Variants in CD1B observed in about 807,000 individuals in gnomAD.
The protein encoded by CD1B is CD1b molecule.
Under a neutral mutation model 39.8 loss-of-function variants are expected in CD1B, and 43 were observed. The observed-to-expected ratio is 1.08, with a 90% CI of 0.85 to 1.39. CD1B has a LOEUF of 1.39. Among genes scored for constraint, CD1B ranks in the 40% most tolerant of loss-of-function variants. The pLI, the probability that CD1B is intolerant of heterozygous loss-of-function variation, is 0.00. For missense variants in CD1B, 495 were observed against 403.8 expected, an observed-to-expected ratio of 1.23 and a Z score of -1.94; for synonymous variants, 192 against 152.5, an observed-to-expected ratio of 1.26 and a Z score of -1.91.
chr1:158,291,067 C>G, the CD1B span: 1 of 1,495,636 alleles, frequency 6.7e-7, no homozygotes, highest in Non-Finnish European at 9.0e-7. Flanking sequence ...CTTCCATTTT[C>G]TCTCCATTTT....
the CD1B span, chr1:158,292,208 ATCTCC>A: frequency 6.2e-7 from 1 of 1,614,206 alleles, no homozygotes; most frequent in East Asian, 2.2e-5. Flanking sequence ...CATGGGTGCC[ATCTCC>A]AGGCTGTGGA....
At chr1:158,328,286 C>G (rs1004483247) in intron 5 of CD1B, 29 bp from the exon 6 acceptor site, 1 of 1,596,714 alleles carries the variant, frequency 6.3e-7, no homozygotes, top group South Asian at 1.1e-5. Context: ...CAAAAGAGCT[C>G]CACATAAAAG....
At chr1:158,306,796 A>G in the CD1B span, among the ~76,000 whole-genome samples, 1 of 152,268 alleles carries the variant, frequency 6.6e-6, no homozygotes. Context: ...CCGCTCAACT[A>G]CATGGAAACC....
downstream of CD1B, among the ~76,000 whole-genome samples, chr1:158,323,662 C>G (rs902544735): frequency 2.0e-5 from 3 of 152,176 alleles, no homozygotes; most frequent in African/African-American, 7.2e-5. Flanking sequence ...TTAAGCAAAC[C>G]TAATGTTAGA....
chr1:158,304,351 G>A, the CD1B span, among the ~76,000 whole-genome samples: 74 of 152,328 alleles, frequency 4.9e-4, no homozygotes, highest in African/African-American at 1.4e-3. Context: ...TGCTAGCACA[G>A]CAGTCTGAGA....
chr1:158,304,651 C>T, the CD1B span, among the ~76,000 whole-genome samples: 3 of 152,178 alleles, frequency 2.0e-5, no homozygotes, highest in Non-Finnish European at 2.9e-5. Context: ...TCAAGTGGGT[C>T]ACTGATGCCC....
the CD1B span, among the ~76,000 whole-genome samples, chr1:158,289,373 G>T: frequency 6.6e-6 from 1 of 152,272 alleles, no homozygotes; most frequent in Admixed American, 6.5e-5. Flanking sequence ...ATTTGTTATG[G>T]TCCTATGCAT....
the CD1B span, chr1:158,292,700 T>G: frequency 2.5e-6 from 4 of 1,614,052 alleles, no homozygotes; most frequent in Middle Eastern, 1.7e-4. Flanking sequence ...TTGGGTGACA[T>G]GGATGCGGAA....
chr1:158,325,259 T>G (rs1417436432), downstream of CD1B, among the ~76,000 whole-genome samples: 1 of 152,164 alleles, frequency 6.6e-6, no homozygotes, highest in Non-Finnish European at 1.5e-5. Flanking sequence ...GGTCCATAGT[T>G]CCCAATAAAT....
chr1:158,321,808 C>G, the CD1B span, among the ~76,000 whole-genome samples: 1 of 152,176 alleles, frequency 6.6e-6, no homozygotes, highest in East Asian at 1.9e-4. Context: ...GATGTATAGG[C>G]TTATTACATA....
chr1:158,330,185 T>A, intron 2 of CD1B, 55 bp from the exon 3 acceptor site: 5 of 1,500,132 alleles, frequency 3.3e-6, no homozygotes, highest in Non-Finnish European at 4.5e-6. Context: ...AAAAAAGGCA[T>A]GAGAAAAGAA....
chr1:158,286,627 T>G, the CD1B span, among the ~76,000 whole-genome samples: 1 of 152,094 alleles, frequency 6.6e-6, no homozygotes, highest in Non-Finnish European at 1.5e-5. Flanking sequence ...TCCCACAGGA[T>G]GAAAGCAGGA....
chr1:158,304,970 A>T, the CD1B span, among the ~76,000 whole-genome samples: 2 of 152,122 alleles, frequency 1.3e-5, no homozygotes, highest in Non-Finnish European at 2.9e-5. Context: ...AGGTAGATAA[A>T]ACCACAAAGA....
the CD1B span, among the ~76,000 whole-genome samples, chr1:158,298,490 G>A: frequency 6.6e-6 from 1 of 152,126 alleles, no homozygotes; most frequent in South Asian, 2.1e-4. Flanking sequence ...GGATTGTCTT[G>A]GCAATGTGGG....
At chr1:158,286,257 G>A in the CD1B span, among the ~76,000 whole-genome samples, 1 of 152,058 alleles carries the variant, frequency 6.6e-6, no homozygotes, top group Non-Finnish European at 1.5e-5. Context: ...TATTCTCTTA[G>A]GATTTTGTGT....
downstream of CD1B, among the ~76,000 whole-genome samples, chr1:158,326,810 T>TA (rs56985416): frequency 5.8e-3 from 877 of 152,066 alleles, 3 homozygotes; most frequent in African/African-American, 0.02. Flanking sequence ...TTATTATTAT[T>TA]TTTGGAGACA....
chr1:158,321,237 C>A, the CD1B span, among the ~76,000 whole-genome samples: 1 of 152,080 alleles, frequency 6.6e-6, no homozygotes, highest in Non-Finnish European at 1.5e-5. Flanking sequence ...TCTGTATTTA[C>A]CCCTGTATCA....
chr1:158,314,633 T>A, the CD1B span, among the ~76,000 whole-genome samples: 341 of 151,856 alleles, frequency 2.2e-3, 2 homozygotes, highest in African/African-American at 8.0e-3. Flanking sequence ...ATTCCATAGG[T>A]TTTGTTTTGT....
At position 158,328,084 on chromosome 1, in the gene CD1B, GA is replaced by G; in HGVS notation, c.*151del. 1 of 635,302 alleles carries G rather than the reference GA, an allele frequency of 1.6e-6. No individual in the cohort carries two copies. Among genetic ancestry groups the G allele is most frequent in the African/African-American group, 1.8e-5 (1 of 54,360 alleles). 39.4% of individuals were successfully genotyped at this position (635,302 alleles called of 1,614,324 possible). On this transcript the variant is annotated 3_prime_UTR_variant, in exon 6 of 6. Transcript: ENST00000368168. ...TTACAGTTTTAAGTACTTTTTTGCT[GA>G]TGTTTAAATAATAATTTATTTTAAA... is the stretch of plus-strand genomic sequence containing the variant.
Sources: allele counts gnomAD v4.1 joint callset (sites outside exome capture counted in the v4.1 genomes callset), GRCh38; gene constraint gnomAD v4.1.1; transcripts MANE v1.5; gene names NCBI Gene and HGNC (gene_info 2026-07-23, HGNC 2026-07-21).